SEMA4D: variants seen among roughly 807,000 people sequenced by gnomAD.
SEMA4D encodes semaphorin 4D, also known as semaphorin-4D.
SEMA4D carries 22 observed loss-of-function variants against 74.8 expected under a neutral mutation model. That is an observed-to-expected ratio of 0.29 (90% CI 0.21 to 0.42). The LOEUF (loss-of-function observed/expected upper bound fraction) is 0.42. Ranked by LOEUF, SEMA4D falls within the 10% of genes least tolerant of loss-of-function variation. The probability of loss-of-function intolerance (pLI) is 1.00; values close to 1 mark genes in which losing one functional copy is unlikely to be tolerated. For missense variants in SEMA4D, 937 were observed against 1,118.4 expected (o/e 0.84, Z 2.31); for synonymous variants, 445 against 463.7 (o/e 0.96, Z 0.52).
At position 89,462,218 on chromosome 9, in the gene SEMA4D, G is replaced by C. The variant is rs144470323; in HGVS notation, c.-309-6265C>G. 1.1e-4 allele frequency among the ~76,000 whole-genome samples: 16 copies of C among 152,322 alleles called. No individual in the cohort carries two copies. In the East Asian group the frequency reaches 2.3e-3, roughly 22 times the overall value. On this transcript the variant is annotated intron_variant, in intron 1 of 15. Coordinates refer to ENST00000422704, the MANE Select transcript of SEMA4D (RefSeq NM_001371194.2). ...AAAGAAATGCCAGAAATCGCTTGGT[G>C]TGAGTGCACTGCAAATTCTTGAAAC...
chr9:89,362,404 A>G (rs780585657), exon 19 of SEMA4D: 7 of 1,614,074 alleles, frequency 4.3e-6, no homozygotes, highest in Non-Finnish European at 5.9e-6. Context: ...CCTGGTGGCT[A>G]CAGGGTGTCC....
intron 2 of SEMA4D, among the ~76,000 whole-genome samples, chr9:89,422,255 C>T (rs1847120022): frequency 6.6e-6 from 1 of 152,196 alleles, no homozygotes; most frequent in Non-Finnish European, 1.5e-5. Flanking sequence ...TTGGTGAATT[C>T]CTCATTCTAA....
intron 1 of SEMA4D, among the ~76,000 whole-genome samples, chr9:89,460,468 T>C (rs1345014998): frequency 2.0e-5 from 3 of 152,236 alleles, no homozygotes; most frequent in African/African-American, 7.2e-5. Context: ...CTGGATTTGT[T>C]TTATATTTGA....
intron 2 of SEMA4D, among the ~76,000 whole-genome samples, chr9:89,415,703 G>A (rs1360501329): frequency 1.3e-5 from 2 of 152,166 alleles, no homozygotes; most frequent in East Asian, 3.9e-4. Context: ...CTCCGGAATG[G>A]ATAAATAAAT....
intron 16 of SEMA4D, chr9:89,363,991 G>A (rs1210963783): frequency 1.9e-6 from 3 of 1,613,786 alleles, no homozygotes; most frequent in Admixed American, 3.3e-5. Flanking sequence ...TCCACATTTA[G>A]GACCCAAAGA....
intron 13 of SEMA4D, chr9:89,385,436 C>T (rs1838227857): frequency 3.0e-6 from 3 of 985,418 alleles, no homozygotes; most frequent in Non-Finnish European, 3.6e-6. Flanking sequence ...GGTGAGGCCC[C>T]ACAGTGGCTA....
intron 13 of SEMA4D, chr9:89,386,135 A>G: frequency 1.1e-6 from 1 of 951,920 alleles, no homozygotes; most frequent in Non-Finnish European, 1.3e-6. Flanking sequence ...ACATTCCAGC[A>G]ACTTCGAAGA....
intron 16 of SEMA4D, among the ~76,000 whole-genome samples, chr9:89,370,282 TTG>T (rs1834354727): frequency 1.3e-5 from 2 of 150,586 alleles, no homozygotes; most frequent in South Asian, 2.1e-4. Context: ...GTGGACATGA[TTG>T]TGTTTGTGAT....
chr9:89,491,279 G>A (rs763141125), intron 1 of SEMA4D, among the ~76,000 whole-genome samples: 3 of 152,188 alleles, frequency 2.0e-5, no homozygotes, highest in Non-Finnish European at 4.4e-5. Flanking sequence ...TGTTAAAACA[G>A]ATGGCTGAGT....
chr9:89,472,926 T>G (rs1860762789), intron 1 of SEMA4D, among the ~76,000 whole-genome samples: 1 of 151,288 alleles, frequency 6.6e-6, no homozygotes. Context: ...AGACCCCATC[T>G]CTATAAAAAA....
intron 16 of SEMA4D, among the ~76,000 whole-genome samples, chr9:89,371,968 G>GT (rs1835014145): frequency 7.6e-6 from 1 of 131,734 alleles, no homozygotes; most frequent in East Asian, 2.5e-4. Context: ...GTGTGTGTGG[G>GT]GTGTGGTGTG....
At chr9:89,473,109 G>A (rs1860821421) in intron 1 of SEMA4D, among the ~76,000 whole-genome samples, 1 of 152,102 alleles carries the variant, frequency 6.6e-6, no homozygotes, top group African/African-American at 2.4e-5. Context: ...TATTGGAAAG[G>A]AAGCGCTCAT....
chr9:89,497,683 G>A (rs989100235), intron 1 of SEMA4D, among the ~76,000 whole-genome samples: 2 of 151,524 alleles, frequency 1.3e-5, no homozygotes, highest in South Asian at 2.1e-4. Flanking sequence ...GGTCGGAGGG[G>A]TCCGGGTAGG....
intron 1 of SEMA4D, among the ~76,000 whole-genome samples, chr9:89,462,674 G>T (rs925482523): frequency 6.6e-6 from 1 of 152,002 alleles, no homozygotes; most frequent in Non-Finnish European, 1.5e-5. Context: ...GCCAGATGCA[G>T]GGGCTCGTGC....
At chr9:89,448,421 C>T (rs1196560823) in intron 2 of SEMA4D, among the ~76,000 whole-genome samples, 1 of 152,234 alleles carries the variant, frequency 6.6e-6, no homozygotes, top group East Asian at 1.9e-4. Context: ...AGGGCAGGAG[C>T]TCAGTGAACT....
intron 2 of SEMA4D, chr9:89,405,964 G>C (rs1378608287): frequency 9.0e-7 from 1 of 1,111,834 alleles, no homozygotes; most frequent in African/African-American, 1.6e-5. Context: ...AGAGGACCTG[G>C]TGTGGGGCAC....
intron 18 of SEMA4D, among the ~76,000 whole-genome samples, chr9:89,363,273 C>G (rs28556830): frequency 0.022 from 3,352 of 152,270 alleles, 47 homozygotes; most frequent in Non-Finnish European, 0.029. Flanking sequence ...GATTTCCCCC[C>G]CCAGTGTTGC....
intron 2 of SEMA4D, among the ~76,000 whole-genome samples, chr9:89,406,302 G>A (rs1843317757): frequency 6.6e-6 from 1 of 152,108 alleles, no homozygotes; most frequent in African/African-American, 2.4e-5. Context: ...GCCCCAAATG[G>A]GACCCTGCTA....
intron 16 of SEMA4D, chr9:89,369,433 C>A (rs920107908): frequency 2.0e-4 from 31 of 152,208 alleles, no homozygotes; most frequent in African/African-American, 7.5e-4. Flanking sequence ...TGACACGGGT[C>A]TAAACTTGAC....
Sources: allele counts gnomAD v4.1 joint callset (sites outside exome capture counted in the v4.1 genomes callset), GRCh38; gene constraint gnomAD v4.1.1; transcripts MANE v1.5; gene names NCBI Gene and HGNC (gene_info 2026-07-23, HGNC 2026-07-21).